Variants in EYA2 observed in about 807,000 individuals in gnomAD.
The protein encoded by EYA2 is protein phosphatase EYA2.
In EYA2, 31 loss-of-function variants were observed where a neutral mutation model predicts 69.2. The observed-to-expected ratio is 0.45, with a 90% confidence interval of 0.34 to 0.60. The LOEUF (loss-of-function observed/expected upper bound fraction) is 0.60, where lower values mean the gene tolerates loss of function less well. Among genes scored for constraint, EYA2 ranks in the 20% least tolerant of loss-of-function variants. The pLI is 0.02. For synonymous variants in EYA2, 257 were observed against 279.4 expected (o/e 0.92, Z 0.80); for missense variants, 622 against 701.2 (o/e 0.89, Z 1.28).
Position 46,992,842 on chromosome 20 carries a change from T to G in EYA2, c.109+2723T>G, listed in dbSNP as rs1317650251. Among the ~76,000 whole-genome samples, 3 of 149,692 alleles carry G rather than the reference T, an allele frequency of 2.0e-5. No homozygotes were observed. In the East Asian group the frequency reaches 5.8e-4, roughly 29 times the overall value. Reference sequence around the variant, plus strand: ...GGGGCAGGTGGTGAGCTCCAGAGACTCTGCAGGGGACATTCCACCCTGGAG... The same window carrying G: ...GGGGCAGGTGGTGAGCTCCAGAGACGCTGCAGGGGACATTCCACCCTGGAG... On this transcript the variant is annotated intron_variant, in intron 2 of 15. Transcript: ENST00000327619.
At chr20:47,171,853 A>G (rs2034327970) in intron 11 of EYA2, among the ~76,000 whole-genome samples, 1 of 152,144 alleles carries the variant, frequency 6.6e-6, no homozygotes, top group South Asian at 2.1e-4. Flanking sequence ...GCACTTTGGG[A>G]GCCCAAGGCG....
intron 10 of EYA2, among the ~76,000 whole-genome samples, chr20:47,152,898 C>T (rs148011470): frequency 0.016 from 2,393 of 151,072 alleles, 66 homozygotes; most frequent in African/African-American, 0.055. Context: ...CACCACTTCA[C>T]TCCAGCCTGG....
In EYA2 at chr20:47,160,647, T is replaced by C. The variant is rs191913425; in HGVS notation, c.979-8492T>C. On this transcript the variant is annotated intron_variant, in intron 10 of 15. Transcript: ENST00000327619. The stretch of plus-strand genomic sequence containing the variant: ...GACACATGCAGTGCCTAGGCCAGTG[T>C]TGGGAACATAGAAGGTGATCAGTGT... Among the ~76,000 whole-genome samples the C allele has an allele frequency of 8.7e-4, 133 of 152,258 alleles. 1 individual carries two copies. The highest frequency in any genetic ancestry group is 3.2e-3 in the African/African-American group (131 of 41,550).
At chr20:47,060,870 T>C (rs2030850501) in intron 5 of EYA2, among the ~76,000 whole-genome samples, 2 of 125,060 alleles carry the variant, frequency 1.6e-5, no homozygotes, top group African/African-American at 6.4e-5. Flanking sequence ...TTTTTTTTTT[T>C]TGGAAATGGG....
In EYA2 at chr20:46,899,577, T is replaced by G. The variant is rs180800883; in HGVS notation, c.-11+4590T>G. On this transcript the variant is annotated intron_variant, in intron 1 of 15. Coordinates refer to ENST00000327619, the MANE Select transcript of EYA2 (RefSeq NM_005244.5). ...ACGGTAGGCGCAGCCCAAGTCAAGT[T>G]TACCGGAAGGTGCTGGATCGCTATG... 1.6e-4 allele frequency among the ~76,000 whole-genome samples: 25 copies of G among 152,358 alleles called. 1 individual carries two copies. The highest frequency in any genetic ancestry group is 3.9e-4 in the Admixed American group (6 of 15,302).
chr20:46,949,587 C>T (rs1393681012), intron 1 of EYA2, among the ~76,000 whole-genome samples: 2 of 152,132 alleles, frequency 1.3e-5, no homozygotes, highest in Non-Finnish European at 2.9e-5. Flanking sequence ...TGTTCTTCTC[C>T]ACGTTTTGGG....
chr20:47,059,685 A>G (rs780807171), intron 5 of EYA2, among the ~76,000 whole-genome samples: 4 of 152,234 alleles, frequency 2.6e-5, no homozygotes, highest in Non-Finnish European at 4.4e-5. Flanking sequence ...CTTCTGGGAA[A>G]GTGAGAAAGT....
chr20:47,096,470 C>G (rs374506074), intron 8 of EYA2, among the ~76,000 whole-genome samples: 2 of 152,084 alleles, frequency 1.3e-5, no homozygotes, highest in Non-Finnish European at 2.9e-5. Context: ...ACTCCCATAT[C>G]GATAGCTCCA....
At chr20:47,080,489 AG>A (rs2031673637) in intron 7 of EYA2, among the ~76,000 whole-genome samples, 1 of 64,156 alleles carries the variant, frequency 1.6e-5, no homozygotes, top group African/African-American at 6.5e-5. Context: ...TGAGGGAGGG[AG>A]GGAGTAAAGG....
At chr20:47,044,064 G>A (rs1279624315) in intron 5 of EYA2, among the ~76,000 whole-genome samples, 2 of 152,180 alleles carry the variant, frequency 1.3e-5, no homozygotes, top group African/African-American at 4.8e-5. Context: ...TGCTGGTATG[G>A]ACAAAGTTGG....
rs148221849 is a variant in EYA2, at chr20:47,120,997, A to T, written c.889-22062A>T. On this transcript the variant is annotated intron_variant, in intron 9 of 15. Coordinates refer to ENST00000327619, the MANE Select transcript of EYA2 (RefSeq NM_005244.5). The stretch of plus-strand genomic sequence containing the variant: ...GGTGCTAATTCTTTTGGAATATTTG[A>T]TAGCATTCTCCCCTGGAACCATCTA... Among the ~76,000 whole-genome samples, 629 of 152,254 alleles carry T rather than the reference A, an allele frequency of 4.1e-3. 4 individuals carry two copies. Among genetic ancestry groups the T allele is most frequent in the African/African-American group, 0.015 (603 of 41,536 alleles).
intron 9 of EYA2, among the ~76,000 whole-genome samples, chr20:47,106,427 G>A (rs139242074): frequency 6.8e-4 from 104 of 152,256 alleles, no homozygotes; most frequent in African/African-American, 2.2e-3. Context: ...TTTCTGTAAC[G>A]CAATGGAATT....
intron 1 of EYA2, among the ~76,000 whole-genome samples, chr20:46,902,602 T>A (rs1984166171): frequency 1.3e-5 from 2 of 152,226 alleles, no homozygotes; most frequent in South Asian, 4.1e-4. Flanking sequence ...CTGTCTGCCC[T>A]GGAGAGCTAG....
At chr20:46,938,771 C>T (rs1445207282) in intron 1 of EYA2, among the ~76,000 whole-genome samples, 1 of 152,044 alleles carries the variant, frequency 6.6e-6, no homozygotes, top group Non-Finnish European at 1.5e-5. Context: ...TCACACAGAC[C>T]AACCCAGGTA....
chr20:46,906,912 A>G (rs1454970327), intron 1 of EYA2, among the ~76,000 whole-genome samples: 1 of 152,232 alleles, frequency 6.6e-6, no homozygotes, highest in East Asian at 1.9e-4. Context: ...AATCTCAGTT[A>G]TAATTTTTCA....
At chr20:47,043,343 G>T (rs1415377884) in intron 5 of EYA2, among the ~76,000 whole-genome samples, 3 of 152,148 alleles carry the variant, frequency 2.0e-5, no homozygotes, top group Admixed American at 1.3e-4. Context: ...TTTTAAAAGG[G>T]AGAGGCCAAC....
chr20:46,973,050 G>T (rs1980232278), intron 1 of EYA2, among the ~76,000 whole-genome samples: 1 of 152,128 alleles, frequency 6.6e-6, no homozygotes, highest in South Asian at 2.1e-4. Context: ...GAAGCAGGTG[G>T]TGCTACCTGA....
intron 5 of EYA2, among the ~76,000 whole-genome samples, chr20:47,063,386 C>CGT (rs1228558146): frequency 1.1e-3 from 107 of 93,608 alleles, no homozygotes; most frequent in African/African-American, 4.7e-3. Context: ...TGTGTGTGTG[C>CGT]GTGTGCGTGT....
chr20:47,033,954 AC>A (rs1354035442), intron 5 of EYA2, among the ~76,000 whole-genome samples: 1 of 152,194 alleles, frequency 6.6e-6, no homozygotes. Context: ...TGAAAGTGGC[AC>A]TCAAAGTCAT....
Sources: gnomAD v4.1 joint callset for allele counts (sites outside exome capture counted in the v4.1 genomes callset) on GRCh38, gnomAD v4.1.1 for gene constraint, MANE v1.5 for transcripts, NCBI Gene and HGNC (gene_info 2026-07-23, HGNC 2026-07-21) for gene names.